Variants in EXOC6B observed in about 807,000 individuals in gnomAD.
EXOC6B encodes the protein exocyst complex component 6B, also known as SEC15 homolog B.
Under a neutral mutation model 113.5 loss-of-function variants are expected in EXOC6B, and 54 were observed. The observed-to-expected ratio is 0.48, with a 90% CI of 0.38 to 0.60. The LOEUF (loss-of-function observed/expected upper bound fraction) is 0.60. Ranked by LOEUF, EXOC6B falls within the 20% of genes least tolerant of loss-of-function variation. EXOC6B has a pLI of 0.00. For missense variants in EXOC6B, 797 were observed against 977.5 expected (o/e 0.82, Z 2.46); for synonymous variants, 357 against 339.0 (o/e 1.05, Z -0.58).
At chr2:72,696,666 C>T (rs1283526981) in intron 6 of EXOC6B, among the ~76,000 whole-genome samples, 1 of 152,172 alleles carries the variant, frequency 6.6e-6, no homozygotes, top group Non-Finnish European at 1.5e-5. Flanking sequence ...GCAGTTTAGT[C>T]TACTGGGGAA....
chr2:72,481,300 G>C (rs573523364), intron 16 of EXOC6B, among the ~76,000 whole-genome samples: 33 of 152,108 alleles, frequency 2.2e-4, no homozygotes, highest in Non-Finnish European at 4.4e-5. Flanking sequence ...GGACTAATAC[G>C]TCCTAGCATT....
chr2:72,253,786 G>C (rs1683170298), intron 20 of EXOC6B, among the ~76,000 whole-genome samples: 2 of 152,068 alleles, frequency 1.3e-5, no homozygotes, highest in Admixed American at 1.3e-4. Flanking sequence ...TCTGCACACT[G>C]AACCCCTATG....
Position 72,179,231 on chromosome 2 carries a change from G to T in EXOC6B, c.*104C>A. The T allele has an allele frequency of 7.7e-7, 1 of 1,299,110 alleles. No homozygotes were observed. Among genetic ancestry groups the T allele is most frequent in the Non-Finnish European group, 1.0e-6 (1 of 963,302 alleles). The allele number at this position is 1,299,110 out of a possible 1,614,324, so 80.5% of individuals were successfully genotyped here. ...CAGGGGTTAATAAAAAAATACATATGCTCTCTTTGAAGAAGAATGCACAAA... is the reference window on the plus strand; with the variant it reads ...CAGGGGTTAATAAAAAAATACATATTCTCTCTTTGAAGAAGAATGCACAAA... On this transcript the variant is annotated 3_prime_UTR_variant, in exon 22 of 22. Coordinates refer to ENST00000272427, the MANE Select transcript of EXOC6B (RefSeq NM_015189.3).
intron 7 of EXOC6B, among the ~76,000 whole-genome samples, chr2:72,569,831 A>G (rs1207535288): frequency 6.6e-6 from 1 of 152,166 alleles, no homozygotes; most frequent in Non-Finnish European, 1.5e-5. Context: ...CTATTTTTTT[A>G]CAAGCAATTT....
chr2:72,422,131 G>A (rs924177105), intron 18 of EXOC6B, among the ~76,000 whole-genome samples: 4 of 152,302 alleles, frequency 2.6e-5, no homozygotes, highest in African/African-American at 7.2e-5. Context: ...GGCCCCGTGC[G>A]GCCCGAGCCT....
chr2:72,515,431 C>A (rs1701160224), intron 8 of EXOC6B: 1 of 1,151,918 alleles, frequency 8.7e-7, no homozygotes, highest in African/African-American at 1.6e-5. Context: ...TGCAGGGAAA[C>A]CAACCTTTCC....
At chr2:72,406,348 C>A (rs962863693) in intron 18 of EXOC6B, among the ~76,000 whole-genome samples, 1 of 152,042 alleles carries the variant, frequency 6.6e-6, no homozygotes, top group Non-Finnish European at 1.5e-5. Context: ...CTGCACCAAG[C>A]AGACCTAATA....
intron 20 of EXOC6B, among the ~76,000 whole-genome samples, chr2:72,274,279 GAAA>G (rs1170528282): frequency 2.6e-5 from 4 of 152,158 alleles, no homozygotes; most frequent in African/African-American, 9.6e-5. Flanking sequence ...ACAGGATCCT[GAAA>G]TGGGACTGTA....
intron 1 of EXOC6B, among the ~76,000 whole-genome samples, chr2:72,823,211 G>T (rs149021587): frequency 6.6e-4 from 99 of 148,916 alleles, no homozygotes; most frequent in African/African-American, 2.1e-3. Flanking sequence ...AATCATATAG[G>T]AAGTCAAGAA....
In EXOC6B at chr2:72,482,759, C is replaced by A. The variant is rs150761736; in HGVS notation, c.1666-2009G>T. On this transcript the variant is annotated intron_variant, in intron 16 of 21. Transcript: ENST00000272427. ...TTCATTCTCAAAAAATACATGTCAA[C>A]TCATAAAGACAATGTTTTAGTACTG... Among the ~76,000 whole-genome samples, 297 of 152,260 alleles carry A rather than the reference C, an allele frequency of 2.0e-3. 1 individual carries two copies. Among genetic ancestry groups the A allele is most frequent in the African/African-American group, 6.9e-3 (285 of 41,546 alleles).
rs1040029616 is a variant in EXOC6B, at chr2:72,759,889, C to T, written c.114-18420G>A. ...TGTCCAACTTGGAGAGAATTTGCCA[C>T]AAGCCAAAGCTTTTAATGTCCCTAC... On this transcript the variant is annotated intron_variant, in intron 1 of 21. Coordinates refer to ENST00000272427, the MANE Select transcript of EXOC6B (RefSeq NM_015189.3). 4.6e-5 allele frequency among the ~76,000 whole-genome samples: 7 copies of T among 152,180 alleles called. No homozygotes were observed. In the East Asian group the frequency reaches 7.7e-4, roughly 17 times the overall value.
intron 18 of EXOC6B, among the ~76,000 whole-genome samples, chr2:72,413,703 A>G (rs887671726): frequency 6.9e-6 from 1 of 144,646 alleles, no homozygotes; most frequent in Non-Finnish European, 1.5e-5. Context: ...AAAAAAAAAG[A>G]AAAAAGAAAA....
intron 19 of EXOC6B, among the ~76,000 whole-genome samples, chr2:72,357,991 T>C (rs1572963927): frequency 6.6e-6 from 1 of 152,138 alleles, no homozygotes; most frequent in African/African-American, 2.4e-5. Flanking sequence ...CACTAAGCAA[T>C]GTACGACTGT....
intron 20 of EXOC6B, among the ~76,000 whole-genome samples, chr2:72,256,544 T>C (rs996251078): frequency 1.3e-5 from 2 of 152,218 alleles, no homozygotes; most frequent in Non-Finnish European, 2.9e-5. Context: ...TCACAAATTC[T>C]CTGGGCATTA....
At chr2:72,804,380 T>C (rs1399177055) in intron 1 of EXOC6B, among the ~76,000 whole-genome samples, 3 of 152,176 alleles carry the variant, frequency 2.0e-5, no homozygotes, top group African/African-American at 7.2e-5. Flanking sequence ...CATAGGAAAA[T>C]GACGGATCTG....
intron 1 of EXOC6B, among the ~76,000 whole-genome samples, chr2:72,758,423 C>T (rs1682566883): frequency 6.6e-6 from 1 of 151,622 alleles, no homozygotes; most frequent in African/African-American, 2.4e-5. Context: ...CTTCCTAGTC[C>T]ACTTACAAGA....
At chr2:72,671,799 G>GAAAGAA (rs1553464104) in intron 6 of EXOC6B, among the ~76,000 whole-genome samples, 2 of 117,612 alleles carry the variant, frequency 1.7e-5, no homozygotes, top group Non-Finnish European at 3.7e-5. Flanking sequence ...AAGAAAGAAA[G>GAAAGAA]AAAGAAAGAA....
At chr2:72,648,256 C>T (rs963986526) in intron 6 of EXOC6B, among the ~76,000 whole-genome samples, 7 of 152,008 alleles carry the variant, frequency 4.6e-5, no homozygotes, top group Admixed American at 2.0e-4. Flanking sequence ...GTTGGAATGG[C>T]GATCATTTAA....
chr2:72,199,246 T>TA (rs1012877589), intron 20 of EXOC6B, among the ~76,000 whole-genome samples: 3 of 152,142 alleles, frequency 2.0e-5, no homozygotes, highest in African/African-American at 7.2e-5. Flanking sequence ...ACAGCTGACT[T>TA]AAAGGGTAAG....
Sources: allele counts gnomAD v4.1 joint callset (sites outside exome capture counted in the v4.1 genomes callset), GRCh38; gene constraint gnomAD v4.1.1; transcripts MANE v1.5; gene names NCBI Gene and HGNC (gene_info 2026-07-23, HGNC 2026-07-21).